Variants in WDR7 observed in about 807,000 individuals in gnomAD.
WDR7 encodes WD repeat-containing protein 7.
Under a neutral mutation model 169.4 loss-of-function variants are expected in WDR7, and 46 were observed. That is an observed-to-expected ratio of 0.27 (90% CI 0.21 to 0.35). The LOEUF (loss-of-function observed/expected upper bound fraction) is 0.35, where lower values mean the gene tolerates loss of function less well. WDR7 is among the 10% of genes least tolerant of loss of function. The pLI, the probability that WDR7 is intolerant of heterozygous loss-of-function variation, is 1.00. For missense variants in WDR7, 1,534 were observed against 1,859.3 expected (o/e 0.83, Z 3.22); for synonymous variants, 612 against 666.8 (o/e 0.92, Z 1.27).
chr18:56,672,667 A>G lies in WDR7; in HGVS notation c.152A>G (p.Glu51Gly), dbSNP rs2025161696. Residue 51 changes from glutamate (E) to glycine (G), a missense_variant, in exon 2 of 28, where the codon GAA becomes GGA. Physicochemically the swap from Glu to Gly is moderately conservative, Grantham distance 98 (BLOSUM62 -2). Coordinates refer to ENST00000254442, the MANE Select transcript of WDR7 (RefSeq NM_015285.3). The part of the protein sequence containing the change: ...GQICLWDLSV[E>G]LQINPRALLF... ...ATATGTCTCTGGGATCTTTCAGTAG[A>G]ACTGCAAGTGAGTATGTGAAATGCC... The G allele has an allele frequency of 1.2e-6, 2 of 1,608,722 alleles. No homozygotes were observed.
chr18:56,706,150 G>T (rs2025948069), intron 12 of WDR7, among the ~76,000 whole-genome samples: 1 of 152,038 alleles, frequency 6.6e-6, no homozygotes, highest in Non-Finnish European at 1.5e-5. Flanking sequence ...GTACTGAGAG[G>T]GAAAATGTTC....
intron 1 of WDR7, among the ~76,000 whole-genome samples, chr18:56,657,846 A>G (rs1309919338): frequency 1.3e-5 from 2 of 152,150 alleles, no homozygotes; most frequent in Non-Finnish European, 2.9e-5. Flanking sequence ...AGGAACATAT[A>G]TATTACATTC....
At chr18:56,940,712 G>A (rs2047024270) in intron 25 of WDR7, among the ~76,000 whole-genome samples, 1 of 152,158 alleles carries the variant, frequency 6.6e-6, no homozygotes, top group South Asian at 2.1e-4. Context: ...TCCTGGAGGT[G>A]ATGAGGAAGC....
chr18:56,879,261 C>T (rs1167715250), intron 20 of WDR7, among the ~76,000 whole-genome samples: 1 of 152,148 alleles, frequency 6.6e-6, no homozygotes, highest in Non-Finnish European at 1.5e-5. Flanking sequence ...TGAGGGTTTC[C>T]ATTTCTGTGC....
At chr18:56,667,493 C>A (rs1001250787) in intron 1 of WDR7, among the ~76,000 whole-genome samples, 1 of 152,132 alleles carries the variant, frequency 6.6e-6, no homozygotes, top group Admixed American at 6.5e-5. Context: ...TGTGGCCCAA[C>A]TGAAGATCAG....
At chr18:56,907,204 G>A (rs932055035) in intron 21 of WDR7, among the ~76,000 whole-genome samples, 1 of 152,170 alleles carries the variant, frequency 6.6e-6, no homozygotes, top group Non-Finnish European at 1.5e-5. Context: ...CTGAGACCTT[G>A]AAAAATGCTT....
At chr18:56,786,420 T>G (rs1408091504) in intron 19 of WDR7, among the ~76,000 whole-genome samples, 1 of 151,746 alleles carries the variant, frequency 6.6e-6, no homozygotes, top group African/African-American at 2.4e-5. Context: ...TCCCAGCTAC[T>G]CGGGAGGCTT....
At chr18:56,911,529 T>C (rs1421568827) in intron 21 of WDR7, among the ~76,000 whole-genome samples, 1 of 152,222 alleles carries the variant, frequency 6.6e-6, no homozygotes, top group Non-Finnish European at 1.5e-5. Context: ...ATTCTGAATT[T>C]ATTTCTCCTA....
intron 20 of WDR7, among the ~76,000 whole-genome samples, chr18:56,817,014 A>C (rs1387549660): frequency 6.6e-6 from 1 of 152,162 alleles, no homozygotes; most frequent in African/African-American, 2.4e-5. Flanking sequence ...ATTTAGAAAG[A>C]AGCATGCCCA....
At chr18:57,011,781 A>G (rs2048139968) in intron 26 of WDR7, among the ~76,000 whole-genome samples, 1 of 151,472 alleles carries the variant, frequency 6.6e-6, no homozygotes, top group Admixed American at 6.6e-5. Context: ...TAGTACACCC[A>G]ATAAGAAAAG....
chr18:56,919,705 T>C (rs950027022), intron 21 of WDR7, among the ~76,000 whole-genome samples: 10 of 152,160 alleles, frequency 6.6e-5, no homozygotes, highest in African/African-American at 2.4e-4. Context: ...ACCTAACCAC[T>C]TGTCCTCCAT....
At chr18:56,773,343 GT>G (rs34599349) in intron 16 of WDR7, among the ~76,000 whole-genome samples, 29,539 of 148,448 alleles carry the variant, frequency 0.2, 3,280 homozygotes, top group East Asian at 0.33. Context: ...TTAAAGAGAA[GT>G]TTTTTTTTTT....
At chr18:57,019,558 C>A (rs1036049507) in intron 26 of WDR7, among the ~76,000 whole-genome samples, 3 of 152,042 alleles carry the variant, frequency 2.0e-5, no homozygotes, top group Non-Finnish European at 4.4e-5. Context: ...TTATTTGGGA[C>A]ACCACAGTCC....
chr18:56,895,583 C>T (rs1319324246), intron 21 of WDR7, among the ~76,000 whole-genome samples: 4 of 151,312 alleles, frequency 2.6e-5, no homozygotes, highest in Non-Finnish European at 3.0e-5. Flanking sequence ...ATTATGGCTA[C>T]GAAATGAAAT....
At chr18:56,960,685 AT>A (rs141817690) in intron 25 of WDR7, among the ~76,000 whole-genome samples, 6,394 of 152,224 alleles carry the variant, frequency 0.042, 444 homozygotes, top group African/African-American at 0.14. Context: ...AAAACAGTAA[AT>A]TGTTTTTTAA....
intron 19 of WDR7, among the ~76,000 whole-genome samples, chr18:56,812,709 T>C (rs1432185463): frequency 1.3e-5 from 2 of 152,156 alleles, no homozygotes; most frequent in Non-Finnish European, 2.9e-5. Flanking sequence ...CCTGAAGTTC[T>C]GATGTCCAAG....
intron 21 of WDR7, among the ~76,000 whole-genome samples, chr18:56,895,646 A>G (rs1471435613): frequency 6.6e-6 from 1 of 151,884 alleles, no homozygotes; most frequent in African/African-American, 2.4e-5. Context: ...TGATTATTAC[A>G]CATTGTATGA....
intron 14 of WDR7, among the ~76,000 whole-genome samples, chr18:56,735,532 C>G (rs893543770): frequency 2.0e-5 from 3 of 152,136 alleles, no homozygotes; most frequent in African/African-American, 7.2e-5. Flanking sequence ...CTGACTTAGA[C>G]TGCAGTTCAC....
intron 19 of WDR7, among the ~76,000 whole-genome samples, chr18:56,806,188 T>A (rs994453974): frequency 6.6e-6 from 1 of 152,218 alleles, no homozygotes; most frequent in Non-Finnish European, 1.5e-5. Context: ...GATTCTCTAG[T>A]GTAAAGTCCT....
Sources: gnomAD v4.1 joint callset for allele counts (sites outside exome capture counted in the v4.1 genomes callset) on GRCh38, gnomAD v4.1.1 for gene constraint, MANE v1.5 for transcripts, NCBI Gene and HGNC (gene_info 2026-07-23, HGNC 2026-07-21) for gene names.